The following RPL35 variants were observed in gnomAD, a reference collection of about 807,000 sequenced individuals.
RPL35 encodes the protein large ribosomal subunit protein uL29.
In RPL35, 2 loss-of-function variants were observed where a neutral mutation model predicts 15.6. That is an observed-to-expected ratio of 0.13 (90% CI 0.05 to 0.40). RPL35 has a LOEUF of 0.40. RPL35 is among the 10% of genes least tolerant of loss of function. RPL35 has a pLI of 0.99. For missense variants in RPL35, 111 were observed against 164.7 expected (o/e 0.67, Z 1.79); for synonymous variants, 93 against 67.9 (o/e 1.37, Z -1.82).
At chr9:124,859,368 G>A (rs1222438471) in intron 3 of RPL35, among the ~76,000 whole-genome samples, 1 of 152,192 alleles carries the variant, frequency 6.6e-6, no homozygotes, top group Non-Finnish European at 1.5e-5. Flanking sequence ...TAGTGATGTG[G>A]AACCATTTTG....
intron 2 of RPL35, 45 bp downstream of exon 2, chr9:124,861,374 C>T (rs1829194050): frequency 1.3e-6 from 2 of 1,583,832 alleles, no homozygotes; most frequent in Admixed American, 1.8e-5. Flanking sequence ...CCGATGCACA[C>T]GTGCTCCCCA....
intron 3 of RPL35, 153 bp from the exon 4 acceptor site, chr9:124,858,220 AT>A: frequency 2.9e-6 from 2 of 678,048 alleles, no homozygotes. Flanking sequence ...AACTCAATTA[AT>A]CCCCCCAAAT....
chr9:124,858,103 A>G, intron 3 of RPL35, 36 bp from the exon 4 acceptor site: 1 of 1,600,618 alleles, frequency 6.2e-7, no homozygotes, highest in Non-Finnish European at 8.5e-7. Flanking sequence ...CCAAGGACCC[A>G]GGGCTGAGGA....
chr9:124,861,595 G>A (rs1829198500), intron 1 of RPL35, 40 bp from the exon 2 acceptor site: 3 of 1,606,108 alleles, frequency 1.9e-6, no homozygotes, highest in Non-Finnish European at 2.6e-6. Flanking sequence ...AGGCCGCGGG[G>A]CCATATCCCC....
intron 1 of RPL35, 156 bp downstream of exon 1, chr9:124,861,754 C>T (rs1314407298): frequency 7.4e-7 from 1 of 1,343,346 alleles, no homozygotes; most frequent in Non-Finnish European, 1.0e-6. Context: ...TCTCCCGGCG[C>T]CAAGCGAAGA....
intron 1 of RPL35, 28 bp from the exon 2 acceptor site, chr9:124,861,583 C>G (rs1264664006): frequency 6.2e-7 from 1 of 1,610,644 alleles, no homozygotes; most frequent in South Asian, 1.1e-5. Flanking sequence ...TGTGCCTCAG[C>G]CAGGCCGCGG....
chr9:124,859,095 C>T (rs2274969), intron 3 of RPL35, among the ~76,000 whole-genome samples: 33,630 of 152,174 alleles, frequency 0.22, 4,200 homozygotes, highest in African/African-American at 0.31. Context: ...TAGCCACACA[C>T]GTAGCTGCTG....
chr9:124,861,764 A>T, intron 1 of RPL35, 146 bp downstream of exon 1: 1 of 1,340,052 alleles, frequency 7.5e-7, no homozygotes, highest in Non-Finnish European at 1.0e-6. Flanking sequence ...CCAAGCGAAG[A>T]GGCGGGTTGT....
intron 3 of RPL35, chr9:124,858,608 G>T: frequency 1.5e-6 from 1 of 677,496 alleles, no homozygotes; most frequent in Non-Finnish European, 2.7e-6. Flanking sequence ...CGGCTTTGGG[G>T]CCCCTGCCCA....
Position 124,860,044 on chromosome 9 carries a change from G to C in RPL35, c.222+139C>G, listed in dbSNP as rs1180576956. On this transcript the variant is annotated intron_variant, in intron 3 of 3. Coordinates refer to ENST00000348462, the MANE Select transcript of RPL35 (RefSeq NM_007209.4). The stretch of plus-strand genomic sequence containing the variant: ...GCCAGTGCAAGACACTGGTAGAAGA[G>C]TGAGCCCAGCAACAAATTGGGAAGG... 1.3e-5 allele frequency: 9 copies of C among 680,294 alleles called. No individual in the cohort carries two copies. In the East Asian group the frequency reaches 1.9e-4, roughly 14 times the overall value. The allele number at this position is 680,294 out of a possible 1,614,324, so 42.1% of individuals were successfully genotyped here.
Position 124,861,410 on chromosome 9 carries a change from C to T in RPL35, c.140+9G>A. The stretch of plus-strand genomic sequence containing the variant: ...CCCACGAGGGCTGTGATCCGGCCGC[C>T]TCACTTACATCTTAGAGAGCTTGGA... On this transcript the variant is annotated intron_variant, in intron 2 of 3. Coordinates refer to ENST00000348462, the MANE Select transcript of RPL35 (RefSeq NM_007209.4). The T allele has an allele frequency of 1.2e-6, 2 of 1,608,638 alleles. No individual in the cohort carries two copies. Among genetic ancestry groups the T allele is most frequent in the Non-Finnish European group, 1.7e-6 (2 of 1,177,464 alleles).
At position 124,861,405 on chromosome 9, in the gene RPL35, GCCGC is replaced by G; in HGVS notation, c.140+10_140+13del. ...CCCCACCCACGAGGGCTGTGATCCG[GCCGC>G]CTCACTTACATCTTAGAGAGCTTGG... On this transcript the variant is annotated intron_variant, in intron 2 of 3. Transcript: ENST00000348462. 6.2e-7 allele frequency: 1 copy of G among 1,606,506 alleles called. No individual in the cohort carries two copies. The highest frequency in any genetic ancestry group is 8.5e-7 in the Non-Finnish European group (1 of 1,176,464).
chr9:124,859,400 A>C (rs1829161284), intron 3 of RPL35, among the ~76,000 whole-genome samples: 1 of 152,182 alleles, frequency 6.6e-6, no homozygotes, highest in African/African-American at 2.4e-5. Context: ...AAAGACCCTC[A>C]TCAGGTAACT....
At chr9:124,861,152 G>A (rs1460853994) in intron 2 of RPL35, 1 of 446,210 alleles carries the variant, frequency 2.2e-6, no homozygotes, top group African/African-American at 2.0e-5. Flanking sequence ...AAAAACTCAA[G>A]TGTTGGTGGG....
rs771414251 is a variant in RPL35 at position 124,860,233 on chromosome 9, G to C, written c.172C>G (p.Leu58Val). Residue 58 changes from leucine (L) to valine (V), a missense_variant, in exon 3 of 4, where the codon CTC becomes GTC. Physicochemically the swap from Leu to Val is conservative, Grantham distance 32. Coordinates refer to ENST00000348462, the MANE Select transcript of RPL35 (RefSeq NM_007209.4). ...TTCTGAGTCTGGTTAATAACTGTGA[G>C]AACACGGGCAATGGATTTCCGGACG... ...RVVRKSIARV[L>V]TVINQTQKEN... The C allele has an allele frequency of 1.8e-5, 29 of 1,614,008 alleles. No individual in the cohort carries two copies. The highest frequency in any genetic ancestry group is 2.2e-5 in the East Asian group (1 of 44,902).
chr9:124,858,952 G>C (rs771838752), intron 3 of RPL35, among the ~76,000 whole-genome samples: 1 of 152,208 alleles, frequency 6.6e-6, no homozygotes, highest in Admixed American at 6.5e-5. Context: ...ATGAGGGCCA[G>C]CCCTGGAGGG....
chr9:124,859,414 G>A (rs1402367997), intron 3 of RPL35, among the ~76,000 whole-genome samples: 1 of 152,162 alleles, frequency 6.6e-6, no homozygotes, highest in Non-Finnish European at 1.5e-5. Flanking sequence ...GGTAACTTTA[G>A]GGGAGATTAT....
intron 3 of RPL35, among the ~76,000 whole-genome samples, chr9:124,859,668 T>C (rs1046542117): frequency 3.9e-5 from 6 of 152,136 alleles, no homozygotes; most frequent in African/African-American, 1.2e-4. Context: ...CAGAAAATGG[T>C]TATCAAAATT....
At chr9:124,861,749 C>A (rs1021151571) in intron 1 of RPL35, 161 bp downstream of exon 1, 171 of 1,325,478 alleles carry the variant, frequency 1.3e-4, no homozygotes, top group Non-Finnish European at 1.6e-4. Context: ...GCGCCTCTCC[C>A]GGCGCCAAGC....
Sources: allele counts gnomAD v4.1 joint callset (sites outside exome capture counted in the v4.1 genomes callset), GRCh38; gene constraint gnomAD v4.1.1; transcripts MANE v1.5; gene names NCBI Gene and HGNC (gene_info 2026-07-23, HGNC 2026-07-21).